Variants in LRRC37A observed in about 807,000 individuals in gnomAD.
The protein encoded by LRRC37A is leucine rich repeat containing 37A, also known as leucine-rich repeat-containing protein 37A.
LRRC37A carries 3 observed loss-of-function variants against 35.4 expected under a neutral mutation model. The ratio of observed to expected loss-of-function variants is 0.08; its 90% CI spans 0.04 to 0.22. The LOEUF is 0.22. LRRC37A is among the 10% of genes least tolerant of loss of function. The pLI, the probability that LRRC37A is intolerant of heterozygous loss-of-function variation, is 1.00. For missense variants in LRRC37A, 67 were observed against 565.3 expected (o/e 0.12, Z 8.94); for synonymous variants, 23 against 215.0 (o/e 0.11, Z 7.81).
chr17:46,272,457 C>T, the LRRC37A span, among the ~76,000 whole-genome samples: 1 of 152,200 alleles, frequency 6.6e-6, no homozygotes. Flanking sequence ...TCTTGTCCCC[C>T]AGGCTGGAGT....
At chr17:46,259,019 ATTTTTTTTTTTTTTTTTT>A in the LRRC37A span, among the ~76,000 whole-genome samples, 7 of 79,468 alleles carry the variant, frequency 8.8e-5, no homozygotes, top group South Asian at 4.4e-4. Flanking sequence ...CACCCGGCCT[ATTTTTTTTTTTTTTTTTT>A]TTTTTTTTTT....
upstream of LRRC37A, among the ~76,000 whole-genome samples, chr17:46,288,393 CTG>C (rs1280893700): frequency 1.3e-5 from 2 of 149,396 alleles, no homozygotes; most frequent in African/African-American, 5.0e-5. Context: ...ACTGCAACCT[CTG>C]TCTCCTGGCT....
At chr17:46,284,441 G>A in the LRRC37A span, among the ~76,000 whole-genome samples, 8 of 152,356 alleles carry the variant, frequency 5.3e-5, no homozygotes, top group East Asian at 7.7e-4. Flanking sequence ...CAGAGAGCAC[G>A]GGGTTGGGGG....
chr17:46,271,059 G>A, the LRRC37A span, among the ~76,000 whole-genome samples: 5 of 151,812 alleles, frequency 3.3e-5, no homozygotes, highest in Admixed American at 2.0e-4. Context: ...AATACTTCTC[G>A]GTTGGCTCTT....
the LRRC37A span, among the ~76,000 whole-genome samples, chr17:46,270,062 G>A: frequency 1.3e-5 from 2 of 152,200 alleles, no homozygotes; most frequent in African/African-American, 4.8e-5. Context: ...AGATAAGGCT[G>A]TACTTCAGTT....
upstream of LRRC37A, among the ~76,000 whole-genome samples, chr17:46,287,821 G>C (rs80315816): frequency 0.049 from 6,330 of 128,764 alleles, no homozygotes; most frequent in Non-Finnish European, 0.081. Flanking sequence ...AGGCGGAGCT[G>C]TGTAAGTGTG....
the LRRC37A span, chr17:46,260,591 C>A: frequency 6.4e-7 from 1 of 1,570,904 alleles, no homozygotes; most frequent in Non-Finnish European, 8.7e-7. Context: ...AGCTCACAAT[C>A]CCGCTTGGAC....
the LRRC37A span, among the ~76,000 whole-genome samples, chr17:46,261,735 TAAAAAAA>T: frequency 1.2e-5 from 1 of 86,442 alleles, no homozygotes; most frequent in Non-Finnish European, 2.6e-5. Context: ...TTTTAACCAC[TAAAAAAA>T]AAAAAAAGAA....
chr17:46,274,256 A>G, the LRRC37A span, among the ~76,000 whole-genome samples: 1 of 152,268 alleles, frequency 6.6e-6, no homozygotes, highest in African/African-American at 2.4e-5. Context: ...TTAATACAAA[A>G]AGAAAAATTA....
At chr17:46,267,609 T>G in the LRRC37A span, 2 of 1,560,846 alleles carry the variant, frequency 1.3e-6, no homozygotes, top group East Asian at 2.3e-5. Flanking sequence ...GGTCGTCCAG[T>G]CTTTTTTTGG....
chr17:46,267,405 G>A, the LRRC37A span: 23 of 1,610,502 alleles, frequency 1.4e-5, no homozygotes, highest in Middle Eastern at 1.7e-4. Context: ...GGGACGGGCT[G>A]TACAAGATGA....
At chr17:46,259,099 A>C in the LRRC37A span, among the ~76,000 whole-genome samples, 5 of 144,538 alleles carry the variant, frequency 3.5e-5, no homozygotes, top group African/African-American at 1.3e-4. Flanking sequence ...AGAAAGACCC[A>C]AAACTATACA....
the LRRC37A span, among the ~76,000 whole-genome samples, chr17:46,265,044 A>G: frequency 6.6e-6 from 1 of 152,210 alleles, no homozygotes; most frequent in Admixed American, 6.5e-5. Context: ...TTATATGACT[A>G]GTGTTTATCT....
At chr17:46,281,261 T>C in the LRRC37A span, among the ~76,000 whole-genome samples, 1 of 152,080 alleles carries the variant, frequency 6.6e-6, no homozygotes, top group Non-Finnish European at 1.5e-5. Flanking sequence ...GGCTTTAATT[T>C]ATTCACTGCT....
At chr17:46,286,183 G>A in the LRRC37A span, among the ~76,000 whole-genome samples, 2 of 152,180 alleles carry the variant, frequency 1.3e-5, no homozygotes, top group African/African-American at 4.8e-5. Flanking sequence ...CTAAACCCTG[G>A]GATATAAAAT....
the LRRC37A span, among the ~76,000 whole-genome samples, chr17:46,279,184 C>CT: frequency 7.9e-3 from 1,077 of 136,908 alleles, 6 homozygotes; most frequent in Middle Eastern, 0.019. Flanking sequence ...TCTTTTTTTT[C>CT]TTTTTTTTTT....
chr17:46,265,406 C>T, the LRRC37A span, among the ~76,000 whole-genome samples: 1 of 150,814 alleles, frequency 6.6e-6, no homozygotes, highest in Non-Finnish European at 1.5e-5. Flanking sequence ...CTCCTCCTTC[C>T]TCCTCCTCCT....
chr17:46,271,459 C>T, the LRRC37A span, among the ~76,000 whole-genome samples: 1 of 150,484 alleles, frequency 6.6e-6, no homozygotes, highest in South Asian at 2.1e-4. Flanking sequence ...TGGGATTATA[C>T]GTGTGAGCCA....
At chr17:46,275,578 A>G in the LRRC37A span, among the ~76,000 whole-genome samples, 1 of 152,256 alleles carries the variant, frequency 6.6e-6, no homozygotes. Flanking sequence ...TTTTTAACCT[A>G]TAATAATAAA....
Sources: gnomAD v4.1 joint callset for allele counts (sites outside exome capture counted in the v4.1 genomes callset) on GRCh38, gnomAD v4.1.1 for gene constraint, MANE v1.5 for transcripts, NCBI Gene and HGNC (gene_info 2026-07-23, HGNC 2026-07-21) for gene names.